The following RNF220 variants were observed in gnomAD, a reference collection of about 807,000 sequenced individuals.
RNF220 encodes E3 ubiquitin-protein ligase RNF220.
Under a neutral mutation model 67.1 loss-of-function variants are expected in RNF220, and 7 were observed. The ratio of observed to expected loss-of-function variants is 0.10; its 90% CI spans 0.06 to 0.20. The LOEUF is 0.20. Among genes scored for constraint, RNF220 ranks in the 10% least tolerant of loss-of-function variants. The pLI is 1.00. For synonymous variants in RNF220, 270 were observed against 283.2 expected (o/e 0.95, Z 0.47); for missense variants, 565 against 740.3 (o/e 0.76, Z 2.75).
intron 6 of RNF220, 54 bp downstream of exon 6, chr1:44,632,439 C>G (rs1430712911): frequency 6.6e-7 from 1 of 1,504,694 alleles, no homozygotes; most frequent in African/African-American, 1.4e-5. Context: ...CTCCCTCCCT[C>G]CCTCACTGCC....
chr1:44,633,048 G>GGT (rs1366061020), intron 6 of RNF220, among the ~76,000 whole-genome samples: 3 of 152,168 alleles, frequency 2.0e-5, no homozygotes, highest in Non-Finnish European at 4.4e-5. Context: ...TGCTTACTGG[G>GGT]GTGTGGTATC....
At chr1:44,495,252 C>CAAAA (rs55870438) in intron 2 of RNF220, among the ~76,000 whole-genome samples, 2 of 130,064 alleles carry the variant, frequency 1.5e-5, no homozygotes, top group Admixed American at 7.6e-5. Flanking sequence ...ACAAAAGATA[C>CAAAA]AAAAAAAAAA....
chr1:44,458,336 G>GTTT (rs57080249), intron 2 of RNF220, among the ~76,000 whole-genome samples: 3 of 141,182 alleles, frequency 2.1e-5, no homozygotes, highest in Non-Finnish European at 4.6e-5. Context: ...GATTTTTCCA[G>GTTT]TTTTTTTTTT....
chr1:44,574,000 C>T (rs1664632779), intron 2 of RNF220, among the ~76,000 whole-genome samples: 2 of 152,140 alleles, frequency 1.3e-5, no homozygotes, highest in Admixed American at 1.3e-4. Context: ...CACCTGTAGT[C>T]TCAGCTACTC....
intron 2 of RNF220, among the ~76,000 whole-genome samples, chr1:44,557,717 A>T (rs1663228463): frequency 6.6e-6 from 1 of 152,256 alleles, no homozygotes; most frequent in South Asian, 2.1e-4. Flanking sequence ...TGGCCACGGT[A>T]TAAAATCACC....
intron 2 of RNF220, among the ~76,000 whole-genome samples, chr1:44,568,505 G>A (rs979239672): frequency 3.3e-5 from 5 of 152,198 alleles, no homozygotes; most frequent in Non-Finnish European, 7.3e-5. Flanking sequence ...TTTGTTTAAT[G>A]TCTGCCAAAT....
At chr1:44,592,027 C>T (rs1203058853) in intron 2 of RNF220, among the ~76,000 whole-genome samples, 5 of 152,156 alleles carry the variant, frequency 3.3e-5, no homozygotes, top group Admixed American at 1.3e-4. Flanking sequence ...TTACTCCACA[C>T]CCCCAGAGGA....
At chr1:44,543,693 A>AT (rs1315004022) in intron 2 of RNF220, among the ~76,000 whole-genome samples, 1 of 152,116 alleles carries the variant, frequency 6.6e-6, no homozygotes, top group African/African-American at 2.4e-5. Flanking sequence ...TGTTTTGGGC[A>AT]TTAAAAAAAA....
rs1299762785 is a variant in RNF220, at chr1:44,447,407, A to G, written c.625+34685A>G. Among the ~76,000 whole-genome samples, 10 of 152,238 alleles carry G rather than the reference A, an allele frequency of 6.6e-5. No homozygotes were observed. The South Asian group carries it at 1.0e-3, about 16-fold the overall frequency. On this transcript the variant is annotated intron_variant, in intron 2 of 14. Transcript: ENST00000361799. The stretch of plus-strand genomic sequence containing the variant: ...CCCCCTAAATATCTTTCAAATCTAT[A>G]TACATATCTCTGTTCTCCCCGCTAC...
At chr1:44,492,623 G>T (rs1656953160) in intron 2 of RNF220, among the ~76,000 whole-genome samples, 2 of 152,206 alleles carry the variant, frequency 1.3e-5, no homozygotes, top group Admixed American at 1.3e-4. Flanking sequence ...TAACATGGAA[G>T]AACGTTGAAT....
intron 2 of RNF220, among the ~76,000 whole-genome samples, chr1:44,611,747 G>A (rs1319099510): frequency 6.6e-6 from 1 of 151,864 alleles, no homozygotes; most frequent in Non-Finnish European, 1.5e-5. Context: ...ACTAATTTGT[G>A]TTCTCCTCGA....
At chr1:44,636,470 T>C (rs1338782114) in intron 8 of RNF220, 3 of 717,388 alleles carry the variant, frequency 4.2e-6, no homozygotes, top group South Asian at 3.0e-5. Flanking sequence ...GCATAAAATA[T>C]TAAAGGGACG....
intron 2 of RNF220, among the ~76,000 whole-genome samples, chr1:44,498,784 C>G (rs975250694): frequency 1.3e-5 from 2 of 152,128 alleles, no homozygotes; most frequent in Non-Finnish European, 1.5e-5. Flanking sequence ...GGTCTAGAGA[C>G]CCCCAAGGAT....
chr1:44,642,307 A>T (rs557245815), intron 8 of RNF220, among the ~76,000 whole-genome samples: 2 of 152,354 alleles, frequency 1.3e-5, no homozygotes, highest in Non-Finnish European at 2.9e-5. Flanking sequence ...GAAGCTCTCT[A>T]TTCTCAACAT....
intron 2 of RNF220, among the ~76,000 whole-genome samples, chr1:44,607,887 C>A (rs1347487627): frequency 6.6e-6 from 1 of 151,784 alleles, no homozygotes; most frequent in African/African-American, 2.4e-5. Context: ...CTTCCTTCAC[C>A]TTCCAGACCA....
In RNF220 at chr1:44,407,924, G is replaced by A. The variant is rs980754411; in HGVS notation, c.-118+2394G>A. 6.6e-5 allele frequency among the ~76,000 whole-genome samples: 10 copies of A among 152,290 alleles called. No individual in the cohort carries two copies. The East Asian group carries it at 1.9e-3, about 29-fold the overall frequency. ...GGCAGCTCTGAGCCCCTGCCCCGCG[G>A]GCCCCGCGCGGCTGCGGACCAGGGG... On this transcript the variant is annotated intron_variant, in intron 1 of 14. Coordinates refer to ENST00000361799, the MANE Select transcript of RNF220 (RefSeq NM_018150.4).
At chr1:44,574,645 C>A (rs1664679428) in intron 2 of RNF220, among the ~76,000 whole-genome samples, 1 of 152,144 alleles carries the variant, frequency 6.6e-6, no homozygotes, top group African/African-American at 2.4e-5. Context: ...GTCAGCCTGC[C>A]CCTGCACTGC....
chr1:44,512,596 A>T (rs1659101513), intron 2 of RNF220, among the ~76,000 whole-genome samples: 1 of 152,202 alleles, frequency 6.6e-6, no homozygotes, highest in Non-Finnish European at 1.5e-5. Flanking sequence ...TACAAGGTTA[A>T]AGCAACAGCT....
chr1:44,505,217 CTT>C (rs1658306458), intron 2 of RNF220, among the ~76,000 whole-genome samples: 1 of 152,230 alleles, frequency 6.6e-6, no homozygotes, highest in Non-Finnish European at 1.5e-5. Context: ...GTTTGCTGCT[CTT>C]TACCACACTG....
Sources: gnomAD v4.1 joint callset for allele counts (sites outside exome capture counted in the v4.1 genomes callset) on GRCh38, gnomAD v4.1.1 for gene constraint, MANE v1.5 for transcripts, NCBI Gene and HGNC (gene_info 2026-07-23, HGNC 2026-07-21) for gene names.